Variants in NEK10 observed in about 807,000 individuals in gnomAD.
NEK10 encodes the protein serine/threonine-protein kinase Nek10.
NEK10 carries 122 observed loss-of-function variants against 159.8 expected under a neutral mutation model. That is an observed-to-expected ratio of 0.76 (90% CI 0.66 to 0.89). The LOEUF (loss-of-function observed/expected upper bound fraction) is 0.89. NEK10 is among the 40% of genes least tolerant of loss of function. The pLI, the probability that NEK10 is intolerant of heterozygous loss-of-function variation, is 0.00. For missense variants in NEK10, 1,342 were observed against 1,323.1 expected, an observed-to-expected ratio of 1.01 and a Z score of -0.22; for synonymous variants, 466 against 457.1, an observed-to-expected ratio of 1.02 and a Z score of -0.25.
chr3:27,324,898 G>C (rs1313551265), intron 5 of NEK10, among the ~76,000 whole-genome samples: 1 of 152,118 alleles, frequency 6.6e-6, no homozygotes, highest in East Asian at 1.9e-4. Flanking sequence ...CTCCCTCCCA[G>C]TCATGCTGAC....
intron 23 of NEK10, chr3:27,206,590 T>G: frequency 1.0e-6 from 1 of 985,018 alleles, no homozygotes; most frequent in Non-Finnish European, 1.2e-6. Context: ...TTGGATAATT[T>G]CATTCACATC....
intron 30 of NEK10, among the ~76,000 whole-genome samples, chr3:27,152,109 A>T (rs188710115): frequency 1.3e-5 from 2 of 152,346 alleles, no homozygotes; most frequent in African/African-American, 2.4e-5. Flanking sequence ...GCCTTGCTAG[A>T]GACCTAGACA....
chr3:27,218,456 T>G (rs1281554967), intron 23 of NEK10, among the ~76,000 whole-genome samples: 1 of 151,852 alleles, frequency 6.6e-6, no homozygotes, highest in Non-Finnish European at 1.5e-5. Flanking sequence ...AATACAAAAA[T>G]TAGCCGGGCT....
chr3:27,128,176 T>C (rs937435567), intron 32 of NEK10, among the ~76,000 whole-genome samples: 2 of 152,174 alleles, frequency 1.3e-5, no homozygotes, highest in Non-Finnish European at 2.9e-5. Context: ...CAGTATTAAG[T>C]GAACCTCTGC....
At position 27,311,025 on chromosome 3, in the gene NEK10, G is replaced by A. The variant is rs367685806; in HGVS notation, c.569-9C>T. On this transcript the variant is annotated splice_polypyrimidine_tract_variant and intron_variant, in intron 8 of 35. Transcript: ENST00000691995. Reference sequence around the variant, plus strand: ...AAGTTTTTGAAAAATATCTATAAAGGAAAGAAAGAGCGCAAAGAGGCATCC... The same window carrying A: ...AAGTTTTTGAAAAATATCTATAAAGAAAAGAAAGAGCGCAAAGAGGCATCC... 4 of 1,591,322 alleles carry A rather than the reference G, an allele frequency of 2.5e-6. No individual in the cohort carries two copies. The highest frequency in any genetic ancestry group is 1.7e-6 in the Non-Finnish European group (2 of 1,159,918).
intron 5 of NEK10, among the ~76,000 whole-genome samples, chr3:27,332,767 T>C (rs1447316980): frequency 6.6e-6 from 1 of 152,228 alleles, no homozygotes; most frequent in African/African-American, 2.4e-5. Flanking sequence ...TTTTGACAAC[T>C]TCCCTACACA....
At chr3:27,353,816 A>C (rs11915127) in intron 1 of NEK10, among the ~76,000 whole-genome samples, 3,019 of 152,284 alleles carry the variant, frequency 0.02, 104 homozygotes, top group African/African-American at 0.069. Flanking sequence ...ACCACAAGCA[A>C]AAAAACAAAC....
intron 15 of NEK10, among the ~76,000 whole-genome samples, 193 bp downstream of exon 15, chr3:27,295,420 C>T (rs1014628021): frequency 1.3e-5 from 2 of 152,158 alleles, no homozygotes; most frequent in African/African-American, 4.8e-5. Flanking sequence ...CACAGAGAAA[C>T]CACTGTTAAG....
chr3:27,329,280 G>A (rs892179754), intron 5 of NEK10, among the ~76,000 whole-genome samples: 2 of 152,156 alleles, frequency 1.3e-5, no homozygotes, highest in Non-Finnish European at 2.9e-5. Flanking sequence ...CTTTTTTCCT[G>A]TATAAATTAC....
intron 22 of NEK10, among the ~76,000 whole-genome samples, chr3:27,280,359 A>G (rs2042070514): frequency 6.6e-6 from 1 of 152,150 alleles, no homozygotes; most frequent in South Asian, 2.1e-4. Flanking sequence ...AGAAGCAGAA[A>G]GCTCAATACA....
chr3:27,145,006 A>C (rs898755970), intron 30 of NEK10, among the ~76,000 whole-genome samples: 2 of 152,084 alleles, frequency 1.3e-5, no homozygotes, highest in Non-Finnish European at 1.5e-5. Flanking sequence ...TTCTTCATTT[A>C]AATGTTATTA....
chr3:27,215,034 C>T (rs1475583015), intron 23 of NEK10: 4 of 593,794 alleles, frequency 6.7e-6, no homozygotes, highest in East Asian at 2.8e-5. Context: ...TCCCCACCGG[C>T]GCCTCCAGCT....
intron 23 of NEK10, among the ~76,000 whole-genome samples, chr3:27,247,916 C>A (rs975562592): frequency 1.3e-5 from 2 of 148,506 alleles, no homozygotes; most frequent in Admixed American, 1.4e-4. Context: ...CCCTCTTCCT[C>A]CATTTTTTGC....
intron 26 of NEK10, among the ~76,000 whole-genome samples, chr3:27,177,601 C>CA (rs200871740): frequency 3.3e-5 from 5 of 150,898 alleles, no homozygotes; most frequent in African/African-American, 7.3e-5. Flanking sequence ...GTTTTTGCTT[C>CA]AAAAAAAAAT....
chr3:27,248,397 A>T (rs1955310071), intron 23 of NEK10, among the ~76,000 whole-genome samples: 1 of 151,796 alleles, frequency 6.6e-6, no homozygotes, highest in Non-Finnish European at 1.5e-5. Context: ...TTCTTCTACT[A>T]ATTTTGGGTT....
rs953704066 is a variant in NEK10, at chr3:27,108,283, T to C, written c.*2989A>G. On this transcript the variant is annotated 3_prime_UTR_variant, in exon 36 of 36. Transcript: ENST00000691995. ...CCACAATAAACAAGCAGCATTTCTCTAGGTTTCTGAAATTCATCCACAAGC... is the reference window on the plus strand; with the variant it reads ...CCACAATAAACAAGCAGCATTTCTCCAGGTTTCTGAAATTCATCCACAAGC... Among the ~76,000 whole-genome samples, 1 of 152,196 alleles carries C rather than the reference T, an allele frequency of 6.6e-6. No homozygotes were observed. The highest frequency in any genetic ancestry group is 2.4e-5 in the African/African-American group (1 of 41,450).
chr3:27,215,504 A>G (rs1186591933), intron 23 of NEK10: 2 of 427,178 alleles, frequency 4.7e-6, no homozygotes, highest in South Asian at 7.6e-5. Context: ...TTTTTAAAAT[A>G]TAAGGCATAG....
chr3:27,335,974 AC>A (rs2046774866), intron 5 of NEK10, among the ~76,000 whole-genome samples: 1 of 152,120 alleles, frequency 6.6e-6, no homozygotes, highest in Admixed American at 6.5e-5. Context: ...AACAAACCAA[AC>A]CCCAAATTAG....
chr3:27,250,726 C>G (rs2149299435), intron 23 of NEK10, among the ~76,000 whole-genome samples: 1 of 152,032 alleles, frequency 6.6e-6, no homozygotes, highest in South Asian at 2.1e-4. Context: ...TCAGCACTTT[C>G]AATATGTCAT....
Sources: gnomAD v4.1 joint callset for allele counts (sites outside exome capture counted in the v4.1 genomes callset) on GRCh38, gnomAD v4.1.1 for gene constraint, MANE v1.5 for transcripts, NCBI Gene and HGNC (gene_info 2026-07-23, HGNC 2026-07-21) for gene names.